The following CNOT4 variants were observed in gnomAD, a reference collection of about 807,000 sequenced individuals.
CNOT4 encodes the protein CCR4-associated factor 4.
In CNOT4, 8 loss-of-function variants were observed where a neutral mutation model predicts 73.8. The ratio of observed to expected loss-of-function variants is 0.11; its 90% confidence interval spans 0.06 to 0.20. The LOEUF (loss-of-function observed/expected upper bound fraction) is 0.20, where lower values mean the gene tolerates loss of function less well. Ranked by LOEUF, CNOT4 falls within the 10% of genes least tolerant of loss-of-function variation. CNOT4 has a pLI of 1.00. For missense variants in CNOT4, 564 were observed against 883.4 expected, an observed-to-expected ratio of 0.64 and a Z score of 4.58; for synonymous variants, 293 against 321.1, an observed-to-expected ratio of 0.91 and a Z score of 0.94.
chr7:135,499,285 C>T (rs767625127), intron 1 of CNOT4, among the ~76,000 whole-genome samples: 1 of 151,870 alleles, frequency 6.6e-6, no homozygotes, highest in Non-Finnish European at 1.5e-5. Context: ...TAATGACAGC[C>T]TAACTAGAAA....
At chr7:135,438,998 C>A (rs1315823081) in intron 1 of CNOT4, among the ~76,000 whole-genome samples, 1 of 151,920 alleles carries the variant, frequency 6.6e-6, no homozygotes, top group Non-Finnish European at 1.5e-5. Context: ...CTGAGAAACA[C>A]GTATTAAACA....
intron 6 of CNOT4, among the ~76,000 whole-genome samples, chr7:135,411,271 C>T (rs1797574539): frequency 6.6e-6 from 1 of 151,970 alleles, no homozygotes; most frequent in Non-Finnish European, 1.5e-5. Flanking sequence ...AGCCAGTTGC[C>T]TGTTTTTATA....
Position 135,438,355 on chromosome 7 carries a change from A to G in CNOT4, c.-24T>C. The stretch of plus-strand genomic sequence containing the variant: ...ATCTTCACGTTTATTAAACAGCAGC[A>G]AAAGTTTATAATAATTTAAGGGAGA... On this transcript the variant is annotated 5_prime_UTR_variant, in exon 2 of 12. Transcript: ENST00000541284. 2 of 1,567,860 alleles carry G rather than the reference A, an allele frequency of 1.3e-6. No homozygotes were observed. The highest frequency in any genetic ancestry group is 1.7e-6 in the Non-Finnish European group (2 of 1,156,502).
Position 135,420,714 on chromosome 7 carries a change from ACT to A in CNOT4, c.372+1440_372+1441del, listed in dbSNP as rs111895754. 3.0e-4 allele frequency among the ~76,000 whole-genome samples: 45 copies of A among 152,062 alleles called. 1 individual carries two copies. The highest frequency in any genetic ancestry group is 1.0e-3 in the African/African-American group (43 of 41,486). On this transcript the variant is annotated intron_variant, in intron 3 of 11. Coordinates refer to ENST00000541284, the MANE Select transcript of CNOT4 (RefSeq NM_001190850.2). ...AAAAAAGGTAGCTCACACCTTTTTA[ACT>A]CTATTTAATAGAGTTAAAAGATGGA...
At chr7:135,476,264 A>G (rs1317062954) in intron 1 of CNOT4, among the ~76,000 whole-genome samples, 1 of 152,138 alleles carries the variant, frequency 6.6e-6, no homozygotes, top group East Asian at 1.9e-4. Flanking sequence ...GGAAGAGGAC[A>G]CCTACCCAAC....
chr7:135,487,613 G>A (rs1277332330), intron 1 of CNOT4, among the ~76,000 whole-genome samples: 1 of 151,938 alleles, frequency 6.6e-6, no homozygotes, highest in Non-Finnish European at 1.5e-5. Flanking sequence ...TAGTTCTTCA[G>A]TAAATAAATT....
chr7:135,442,631 A>G (rs1039563685), intron 1 of CNOT4, among the ~76,000 whole-genome samples: 1 of 152,138 alleles, frequency 6.6e-6, no homozygotes, highest in African/African-American at 2.4e-5. Context: ...AAATAAAACA[A>G]TGCATTCAAA....
Position 135,394,375 on chromosome 7 carries a change from A to G in CNOT4, c.1170T>C (p.Ala390=). Residue 390 remains alanine, a synonymous_variant, in exon 10 of 12, where the codon GCT becomes GCC. Transcript: ENST00000541284. Reference sequence around the variant, plus strand: ...GTTGTTTAGAAGAACCAAAGCCAAAAGCTGCTTGCCAGTCTGTAGAGGATG... The same window carrying G: ...GTTGTTTAGAAGAACCAAAGCCAAAGGCTGCTTGCCAGTCTGTAGAGGATG... The part of the protein sequence containing the change: ...PVSSSTDWQA[A]FGFGSSKQPE... 1 of 1,613,852 alleles carries G rather than the reference A, an allele frequency of 6.2e-7. No individual in the cohort carries two copies. Among genetic ancestry groups the G allele is most frequent in the Non-Finnish European group, 8.5e-7 (1 of 1,179,764 alleles).
chr7:135,440,908 G>A (rs1479714123), intron 1 of CNOT4, among the ~76,000 whole-genome samples: 22 of 147,216 alleles, frequency 1.5e-4, no homozygotes, highest in Non-Finnish European at 2.4e-4. Context: ...GAGAGACTCC[G>A]TCTCAAAAAA....
intron 2 of CNOT4, among the ~76,000 whole-genome samples, chr7:135,428,622 C>T (rs762587582): frequency 1.3e-5 from 2 of 151,790 alleles, no homozygotes; most frequent in Non-Finnish European, 2.9e-5. Context: ...ACAAACTATT[C>T]GCACATGAGG....
intron 4 of CNOT4, among the ~76,000 whole-genome samples, chr7:135,414,790 ATAAAT>A (rs1563035160): frequency 6.6e-6 from 1 of 152,160 alleles, no homozygotes; most frequent in Non-Finnish European, 1.5e-5. Flanking sequence ...ATTCTCAAAA[ATAAAT>A]GCAATCTGGA....
intron 10 of CNOT4, among the ~76,000 whole-genome samples, chr7:135,393,032 T>C (rs974790137): frequency 1.3e-5 from 2 of 152,186 alleles, no homozygotes; most frequent in African/African-American, 4.8e-5. Context: ...TGTATTCTAC[T>C]TGAGAGAATC....
At chr7:135,423,300 G>A (rs536649344) in intron 2 of CNOT4, among the ~76,000 whole-genome samples, 113 of 151,474 alleles carry the variant, frequency 7.5e-4, no homozygotes, top group Admixed American at 2.0e-3. Context: ...AACTCAACTG[G>A]TAGGGAAATT....
rs367826789 is a variant in CNOT4 at position 135,362,988 on chromosome 7, G to T, written c.2039C>A (p.Pro680His). ...TGGGGGTGGGGAGTGGAAGCTGGAAGGGTTTGAAGGAGGAGGGTAGGGATT... is the reference window on the plus strand; with the variant it reads ...TGGGGGTGGGGAGTGGAAGCTGGAATGGTTTGAAGGAGGAGGGTAGGGATT... ...SWNPYPPPSN[P>H]SSFHSPPPGF... Residue 680 changes from proline to histidine, a missense_variant, in exon 12 of 12, where the codon CCT becomes CAT. By Grantham distance (77) the Pro-to-His change is moderately conservative. Coordinates refer to ENST00000541284, the MANE Select transcript of CNOT4 (RefSeq NM_001190850.2). The T allele has an allele frequency of 6.2e-7, 1 of 1,613,848 alleles. No homozygotes were observed. The highest frequency in any genetic ancestry group is 8.5e-7 in the Non-Finnish European group (1 of 1,179,920).
chr7:135,435,615 G>T (rs1799109632), intron 2 of CNOT4, among the ~76,000 whole-genome samples: 1 of 152,160 alleles, frequency 6.6e-6, no homozygotes, highest in South Asian at 2.1e-4. Context: ...TTTGTTTCCT[G>T]TGTTAGGATC....
In CNOT4 at chr7:135,364,069, G is replaced by T; in HGVS notation, c.1628-3C>A. On this transcript the variant is annotated splice_polypyrimidine_tract_variant and splice_region_variant and intron_variant, in intron 10 of 11. Transcript: ENST00000541284. This position sits in a 1 kb window ranked among gnomAD's most constrained non-coding sequence, Gnocchi z 4.3. ...ACTCTCTACAGAACTGCTGTTGTCT[G>T]GGAGATTTACCAACAAAAAAATGAA... The T allele has an allele frequency of 6.4e-7, 1 of 1,560,466 alleles. No homozygotes were observed. Among genetic ancestry groups the T allele is most frequent in the Non-Finnish European group, 8.6e-7 (1 of 1,158,496 alleles).
chr7:135,488,078 A>G (rs955533120), intron 1 of CNOT4, among the ~76,000 whole-genome samples: 33 of 152,180 alleles, frequency 2.2e-4, no homozygotes, highest in East Asian at 1.3e-3. Flanking sequence ...CAAAGAAGAA[A>G]AAAAAGAAAA....
chr7:135,394,830 A>G (rs1389510991), intron 9 of CNOT4, among the ~76,000 whole-genome samples: 2 of 152,160 alleles, frequency 1.3e-5, no homozygotes, highest in African/African-American at 4.8e-5. Flanking sequence ...ATACTAAGAA[A>G]AATATAATTT....
At chr7:135,491,709 G>A (rs970281433) in intron 1 of CNOT4, among the ~76,000 whole-genome samples, 1 of 152,126 alleles carries the variant, frequency 6.6e-6, no homozygotes, top group African/African-American at 2.4e-5. Context: ...GCAATTGAGG[G>A]AAGATATTTT....
Sources: allele counts gnomAD v4.1 joint callset (sites outside exome capture counted in the v4.1 genomes callset), GRCh38; gene constraint gnomAD v4.1.1; non-coding constraint Gnocchi (gnomAD v3.1); transcripts MANE v1.5; gene names NCBI Gene and HGNC (gene_info 2026-07-23, HGNC 2026-07-21).